Variants in CEACAM21 observed in about 807,000 individuals in gnomAD.
The protein encoded by CEACAM21 is CEA cell adhesion molecule 21.
Under a neutral mutation model 33.2 loss-of-function variants are expected in CEACAM21, and 38 were observed. The observed-to-expected ratio is 1.14, with a 90% CI of 0.88 to 1.50. The LOEUF (loss-of-function observed/expected upper bound fraction) is 1.50, where lower values mean the gene tolerates loss of function less well. CEACAM21 is among the 40% of genes most tolerant of loss of function. The pLI is 0.00. For missense variants in CEACAM21, 385 were observed against 364.6 expected (o/e 1.06, Z -0.46); for synonymous variants, 156 against 143.0 (o/e 1.09, Z -0.65).
In CEACAM21 at chr19:41,584,379, G is replaced by T. The variant is rs200587219; in HGVS notation, c.733G>T (p.Val245Phe). 6.2e-7 allele frequency: 1 copy of T among 1,611,876 alleles called. No individual in the cohort carries two copies. Among genetic ancestry groups the T allele is most frequent in the Non-Finnish European group, 8.5e-7 (1 of 1,178,934 alleles). ...DDNTLGILIGVLVGSLLVAAL... is the reference protein window; with the variant it reads ...DDNTLGILIGFLVGSLLVAAL... ...CAACACTCTAGGCATCCTGATCGGG[G>T]TCCTGGTTGGGAGTCTTCTGGTGGC... Residue 245 changes from valine to phenylalanine, a missense_variant, in exon 4 of 7, where the codon GTC becomes TTC. Coordinates refer to ENST00000401445, the MANE Select transcript of CEACAM21 (RefSeq NM_001098506.4).
chr19:41,556,478 A>C (rs2041533528), intron 1 of CEACAM21, among the ~76,000 whole-genome samples: 1 of 152,272 alleles, frequency 6.6e-6, no homozygotes, highest in Non-Finnish European at 1.5e-5. Flanking sequence ...TTAGCTTTTC[A>C]TGAAGCCGAC....
chr19:41,586,095 A>G, intron 6 of CEACAM21: 2 of 610,386 alleles, frequency 3.3e-6, no homozygotes, highest in Non-Finnish European at 5.8e-6. Context: ...AGAGCCCTGG[A>G]ATTCCTACAC....
chr19:41,585,494 C>T lies in CEACAM21; in HGVS notation c.849C>T (p.Pro283=), dbSNP rs202052341. The change falls in exon 5 of 7, where the codon CCC becomes CCT. Residue 283 remains proline (P), a splice_region_variant and synonymous_variant. Coordinates refer to ENST00000401445, the MANE Select transcript of CEACAM21 (RefSeq NM_001098506.4). ...FREQQPPAST[P]GHGPSDSSIS ...AGCAGCAGCCCCCAGCCTCCACCCC[C>T]GGTGAGTGTCCCTTCAGTCTGGGTG... The T allele has an allele frequency of 2.9e-5, 46 of 1,613,744 alleles. No homozygotes were observed. Among genetic ancestry groups the T allele is most frequent in the Non-Finnish European group, 3.6e-5 (42 of 1,179,820 alleles).
intron 2 of CEACAM21, among the ~76,000 whole-genome samples, chr19:41,568,166 G>GATGTATATATTTACAAATATAT (rs1253915917): frequency 2.5e-4 from 38 of 152,016 alleles, no homozygotes; most frequent in African/African-American, 7.2e-4. Context: ...CTTCTTATCA[G>GATGTATATATTTACAAATATAT]ATGTATATAT....
intron 3 of CEACAM21, 51 bp from the exon 4 acceptor site, chr19:41,584,296 G>C: frequency 6.6e-7 from 1 of 1,518,292 alleles, no homozygotes; most frequent in South Asian, 1.2e-5. Flanking sequence ...GCCCCTCATG[G>C]TTCCCCCTGG....
intron 6 of CEACAM21, chr19:41,586,121 C>T (rs2070719148): frequency 3.3e-6 from 2 of 605,806 alleles, no homozygotes; most frequent in African/African-American, 3.7e-5. Flanking sequence ...GAATCCTTCC[C>T]TGTCCCCTGA....
At chr19:41,559,526 G>A (rs927552881) in intron 1 of CEACAM21, among the ~76,000 whole-genome samples, 2 of 152,044 alleles carry the variant, frequency 1.3e-5, no homozygotes, top group African/African-American at 2.4e-5. Flanking sequence ...AAAGAGCAAT[G>A]TTTCAAACAG....
intron 1 of CEACAM21, 103 bp from the exon 2 acceptor site, chr19:41,577,096 CA>C: frequency 1.5e-6 from 2 of 1,308,650 alleles, no homozygotes; most frequent in East Asian, 2.4e-5. Context: ...CACACACACA[CA>C]CACCCTCTAA....
chr19:41,559,564 A>G (rs138615513), intron 1 of CEACAM21, among the ~76,000 whole-genome samples: 281 of 152,322 alleles, frequency 1.8e-3, no homozygotes, highest in African/African-American at 6.5e-3. Context: ...AAGGCAAAAA[A>G]TAAGAAAATA....
In CEACAM21 at chr19:41,564,051, C is replaced by T. The variant is rs574615925; in HGVS notation, c.-778-631C>T. Among the ~76,000 whole-genome samples the T allele has an allele frequency of 5.3e-5, 8 of 152,330 alleles. No individual in the cohort carries two copies. The South Asian group carries it at 1.4e-3, about 28-fold the overall frequency. ...TCGCCATGGCAACAACACATCATCA[C>T]CAGGGTAAACCTAGCCTGTCTCACC... On this transcript the variant is annotated intron_variant, in intron 1 of 7. Coordinates refer to the CEACAM21 transcript ENST00000407170.
In CEACAM21 at chr19:41,577,297, T is replaced by C. The variant is rs1342066746; in HGVS notation, c.162T>C (p.Ser54=). Residue 54 remains serine (S), a synonymous_variant, in exon 2 of 7, where the codon TCT becomes TCC. Coordinates refer to ENST00000401445, the MANE Select transcript of CEACAM21 (RefSeq NM_001098506.4). ...CTGAAGGGGAGAATGTTCATCTCTC[T>C]GTGGTTTATCTGCCCGAGAATCTTT... ...EVAEGENVHL[S]VVYLPENLYS... is the part of the protein sequence containing the mutation. 1.9e-6 allele frequency: 3 copies of C among 1,614,040 alleles called. No homozygotes were observed. Among genetic ancestry groups the C allele is most frequent in the Non-Finnish European group, 2.5e-6 (3 of 1,180,000 alleles).
At chr19:41,563,861 AGGCCAGCCGAG>A (rs1337514797) in intron 1 of CEACAM21, among the ~76,000 whole-genome samples, 30 of 152,324 alleles carry the variant, frequency 2.0e-4, no homozygotes, top group African/African-American at 7.2e-4. Flanking sequence ...TCTCTATCCC[AGGCCAGCCGAG>A]GCTCCATGGA....
intron 1 of CEACAM21, among the ~76,000 whole-genome samples, chr19:41,554,037 C>T (rs1555784998): frequency 1.3e-5 from 2 of 152,008 alleles, no homozygotes; most frequent in African/African-American, 4.8e-5. Context: ...CTGTCAATAG[C>T]TCAAAAGAAA....
intron 4 of CEACAM21, among the ~76,000 whole-genome samples, chr19:41,584,914 G>A (rs557776947): frequency 8.5e-5 from 13 of 152,316 alleles, no homozygotes; most frequent in South Asian, 6.2e-4. Context: ...AGGGAGAACC[G>A]GGGCCCCAAT....
chr19:41,557,540 G>A (rs1297598550), intron 1 of CEACAM21, among the ~76,000 whole-genome samples: 2 of 152,106 alleles, frequency 1.3e-5, no homozygotes, highest in African/African-American at 4.8e-5. Flanking sequence ...GCTGTCAATC[G>A]ACAGCTTTTA....
At chr19:41,571,171 C>T (rs797027519), upstream of CEACAM21, among the ~76,000 whole-genome samples, 19 of 152,224 alleles carry the variant, frequency 1.2e-4, 1 homozygote, top group African/African-American at 4.3e-4. Context: ...GGCAAAATTT[C>T]CCCTGGCAGA....
At chr19:41,555,340 T>C (rs1432517327) in intron 1 of CEACAM21, 2 of 146,512 alleles carry the variant, frequency 1.4e-5, no homozygotes, top group Non-Finnish European at 1.5e-5. Flanking sequence ...AGGAAACATA[T>C]AGATGAGCCT....
chr19:41,579,770 G>C (rs781924318), intron 3 of CEACAM21, 142 bp downstream of exon 3: 10 of 650,384 alleles, frequency 1.5e-5, no homozygotes, highest in Non-Finnish European at 2.6e-5. Context: ...TCAGGGATTA[G>C]ACTCATCCAG....
upstream of CEACAM21, among the ~76,000 whole-genome samples, chr19:41,575,792 A>G (rs1600238164): frequency 6.6e-6 from 1 of 152,252 alleles, no homozygotes; most frequent in Non-Finnish European, 1.5e-5. Context: ...GCCCCTTTCT[A>G]GCCCCCAGAG....
Sources: allele counts gnomAD v4.1 joint callset (sites outside exome capture counted in the v4.1 genomes callset), GRCh38; gene constraint gnomAD v4.1.1; transcripts MANE v1.5; gene names NCBI Gene and HGNC (gene_info 2026-07-23, HGNC 2026-07-21).